Variants in TRDN observed in about 807,000 individuals in gnomAD.
TRDN encodes triadin in skeletal muscle.
Under a neutral mutation model 149.7 loss-of-function variants are expected in TRDN, and 161 were observed. The ratio of observed to expected loss-of-function variants is 1.08; its 90% CI spans 0.95 to 1.23. TRDN has a LOEUF of 1.23. Among genes scored for constraint, TRDN ranks in the 50% most tolerant of loss-of-function variants. The pLI is 0.00. For missense variants in TRDN, 896 were observed against 823.5 expected (o/e 1.09, Z -1.08); for synonymous variants, 294 against 250.5 (o/e 1.17, Z -1.64).
At chr6:123,273,259 G>T in intron 28 of TRDN, 78 bp downstream of exon 28, 1 of 1,004,238 alleles carries the variant, frequency 1.0e-6, no homozygotes, top group South Asian at 1.8e-5. Flanking sequence ...AGCACAGGTT[G>T]AAAATACATG....
intron 12 of TRDN, among the ~76,000 whole-genome samples, chr6:123,404,358 A>T (rs1215772173): frequency 6.6e-6 from 1 of 152,194 alleles, no homozygotes; most frequent in Admixed American, 6.5e-5. Context: ...TTGAGATGTA[A>T]TATCACTGAA....
intron 1 of TRDN, among the ~76,000 whole-genome samples, chr6:123,580,739 G>A (rs1783081337): frequency 6.6e-6 from 1 of 152,214 alleles, no homozygotes; most frequent in Admixed American, 6.5e-5. Context: ...AATAATGTTG[G>A]AAAACTGCTT....
At chr6:123,573,714 A>G (rs1782688755) in intron 1 of TRDN, among the ~76,000 whole-genome samples, 2 of 152,040 alleles carry the variant, frequency 1.3e-5, no homozygotes, top group African/African-American at 2.4e-5. Flanking sequence ...GTTTTATCCC[A>G]TTAGCAAAAT....
chr6:123,366,066 A>G (rs1295569250), intron 20 of TRDN, 69 bp downstream of exon 20: 11 of 1,406,286 alleles, frequency 7.8e-6, no homozygotes, highest in Non-Finnish European at 1.1e-5. Flanking sequence ...GCACAAAACA[A>G]TACATTGTTA....
intron 4 of TRDN, among the ~76,000 whole-genome samples, chr6:123,545,973 A>T (rs1562378368): frequency 6.6e-6 from 1 of 152,166 alleles, no homozygotes; most frequent in Non-Finnish European, 1.5e-5. Flanking sequence ...TATGGAATTC[A>T]GTTTATAAGT....
chr6:123,599,168 A>G (rs1246821596), intron 1 of TRDN, among the ~76,000 whole-genome samples: 2 of 152,114 alleles, frequency 1.3e-5, no homozygotes, highest in Admixed American at 6.6e-5. Context: ...CTTACATATA[A>G]ATATGGCTTT....
chr6:123,435,000 G>A (rs569916756), intron 12 of TRDN, among the ~76,000 whole-genome samples: 3 of 151,724 alleles, frequency 2.0e-5, no homozygotes, highest in East Asian at 3.9e-4. Flanking sequence ...AGTGTCATAC[G>A]GTAGAAGCCC....
chr6:123,573,237 G>T (rs549124267), intron 1 of TRDN, among the ~76,000 whole-genome samples: 404 of 152,190 alleles, frequency 2.7e-3, no homozygotes, highest in African/African-American at 9.1e-3. Context: ...TAGATCTGAT[G>T]AATGAGATTG....
chr6:123,463,561 C>G (rs1363196800), intron 10 of TRDN, among the ~76,000 whole-genome samples: 1 of 151,732 alleles, frequency 6.6e-6, no homozygotes, highest in Non-Finnish European at 1.5e-5. Flanking sequence ...GTTGGGAAAT[C>G]TGAATTCGTT....
rs1199509406 is a variant in TRDN at position 123,614,300 on chromosome 6, C to CAA, written c.22+22452_22+22453dup. ...GAAAGTGCTTCATTAAAAAAAAAAA[C>CAA]AAAAAAAAAAAAAACAAAAAAAACC... On this transcript the variant is annotated intron_variant, in intron 1 of 40. Transcript: ENST00000334268. Among the ~76,000 whole-genome samples the CAA allele has an allele frequency of 1.2e-3, 122 of 99,816 alleles. 1 individual carries two copies. The highest frequency in any genetic ancestry group is 2.5e-3 in the African/African-American group (63 of 25,458). The allele number at this position is 99,816 out of a possible 152,430, so 65.5% of individuals were successfully genotyped here.
At chr6:123,265,939 A>T (rs992432759) in intron 32 of TRDN, among the ~76,000 whole-genome samples, 1 of 146,678 alleles carries the variant, frequency 6.8e-6, no homozygotes, top group Non-Finnish European at 1.5e-5. Flanking sequence ...GTCATCGTAC[A>T]TCTAAAGTTC....
At chr6:123,359,105 A>G (rs911927804) in intron 20 of TRDN, among the ~76,000 whole-genome samples, 1 of 152,208 alleles carries the variant, frequency 6.6e-6, no homozygotes, top group Non-Finnish European at 1.5e-5. Context: ...GAAAGAAAAA[A>G]TATTGCATCA....
At chr6:123,363,933 C>T (rs1230417411) in intron 20 of TRDN, among the ~76,000 whole-genome samples, 5 of 152,186 alleles carry the variant, frequency 3.3e-5, no homozygotes, top group Admixed American at 6.5e-5. Flanking sequence ...CTGTAATCTA[C>T]TCTTGTGCTA....
intron 24 of TRDN, among the ~76,000 whole-genome samples, chr6:123,283,065 C>T (rs1473648469): frequency 7.3e-5 from 11 of 151,416 alleles, no homozygotes; most frequent in African/African-American, 2.7e-4. Context: ...TTTTAATGGG[C>T]CACAAAACAA....
At chr6:123,316,429 G>A in intron 24 of TRDN, 28 bp downstream of exon 24, 1 of 1,600,624 alleles carries the variant, frequency 6.2e-7, no homozygotes, top group Non-Finnish European at 8.6e-7. Flanking sequence ...ACATCTCCTT[G>A]TATGTAAATC....
intron 1 of TRDN, among the ~76,000 whole-genome samples, chr6:123,589,552 G>A (rs188069086): frequency 5.3e-5 from 8 of 152,172 alleles, no homozygotes; most frequent in South Asian, 2.1e-4. Context: ...TCTAATGTGC[G>A]TTTTTTACTT....
At chr6:123,308,331 C>G (rs1014683555) in intron 24 of TRDN, among the ~76,000 whole-genome samples, 4 of 86,714 alleles carry the variant, frequency 4.6e-5, no homozygotes, top group African/African-American at 1.0e-4. Context: ...TATGAGTGCA[C>G]GTGTGTGTTT....
intron 10 of TRDN, among the ~76,000 whole-genome samples, chr6:123,449,363 C>T (rs1218514282): frequency 1.3e-5 from 2 of 151,656 alleles, no homozygotes; most frequent in African/African-American, 4.8e-5. Flanking sequence ...GGAAATAGAT[C>T]GATTAAAAAA....
chr6:123,481,904 G>A (rs972157227), intron 9 of TRDN, among the ~76,000 whole-genome samples: 1 of 152,122 alleles, frequency 6.6e-6, no homozygotes, highest in Non-Finnish European at 1.5e-5. Flanking sequence ...ATGTGAAAAA[G>A]GGTTGCTTCT....
Sources: allele counts gnomAD v4.1 joint callset (sites outside exome capture counted in the v4.1 genomes callset), GRCh38; gene constraint gnomAD v4.1.1; transcripts MANE v1.5; gene names NCBI Gene and HGNC (gene_info 2026-07-23, HGNC 2026-07-21).